HORMAD2: variants seen among roughly 807,000 people sequenced by gnomAD.
HORMAD2 encodes the protein HORMA domain containing 2, also known as HORMA domain-containing protein 2.
HORMAD2 carries 45 observed loss-of-function variants against 38.8 expected under a neutral mutation model. The ratio of observed to expected loss-of-function variants is 1.16; its 90% CI spans 0.91 to 1.49. The LOEUF is 1.49. Ranked by LOEUF, HORMAD2 falls within the 40% of genes most tolerant of loss-of-function variation. The pLI is 0.00. For synonymous variants in HORMAD2, 126 were observed against 122.8 expected (o/e 1.03, Z -0.17); for missense variants, 338 against 367.0 (o/e 0.92, Z 0.65).
intron 10 of HORMAD2, among the ~76,000 whole-genome samples, chr22:30,147,599 C>A (rs1197108728): frequency 1.3e-5 from 2 of 151,930 alleles, no homozygotes; most frequent in Admixed American, 1.3e-4. Context: ...GAAAAAAATA[C>A]TGATAAGCAG....
intron 10 of HORMAD2, among the ~76,000 whole-genome samples, chr22:30,135,993 A>G (rs1323544640): frequency 3.3e-5 from 5 of 152,190 alleles, no homozygotes; most frequent in Admixed American, 3.3e-4. Context: ...AATTTCAGCA[A>G]TGATAAAATT....
At chr22:30,118,504 C>T (rs1342404643) in intron 7 of HORMAD2, among the ~76,000 whole-genome samples, 1 of 152,208 alleles carries the variant, frequency 6.6e-6, no homozygotes, top group Admixed American at 6.5e-5. Context: ...CTTACACTAT[C>T]GGAATTAGCT....
intron 10 of HORMAD2, among the ~76,000 whole-genome samples, chr22:30,130,310 T>A (rs954176909): frequency 6.6e-6 from 1 of 152,170 alleles, no homozygotes; most frequent in Non-Finnish European, 1.5e-5. Context: ...CTGGTGTGAT[T>A]CTTAAGATCC....
At chr22:30,098,784 G>A in intron 2 of HORMAD2, 68 bp from the exon 3 acceptor site, 1 of 1,293,816 alleles carries the variant, frequency 7.7e-7, no homozygotes, top group Non-Finnish European at 1.1e-6. Flanking sequence ...TCATATATGT[G>A]GTAATGATGT....
intron 7 of HORMAD2, among the ~76,000 whole-genome samples, chr22:30,114,731 C>A (rs979225505): frequency 2.6e-5 from 4 of 152,124 alleles, no homozygotes; most frequent in Non-Finnish European, 4.4e-5. Context: ...CAATTGAGAA[C>A]CTCTGGCTTA....
chr22:30,086,884 T>C (rs940829823), intron 1 of HORMAD2, among the ~76,000 whole-genome samples: 3 of 152,202 alleles, frequency 2.0e-5, no homozygotes, highest in African/African-American at 4.8e-5. Context: ...AACCTCCATC[T>C]ACTGGGTTCA....
chr22:30,182,915 T>C, the HORMAD2 span, among the ~76,000 whole-genome samples: 1 of 152,130 alleles, frequency 6.6e-6, no homozygotes, highest in Non-Finnish European at 1.5e-5. Context: ...AAGAAAAACC[T>C]CCCTCCCACC....
the HORMAD2 span, among the ~76,000 whole-genome samples, chr22:30,192,889 G>A: frequency 6.6e-6 from 1 of 152,164 alleles, no homozygotes; most frequent in South Asian, 2.1e-4. Flanking sequence ...ACTATAACAG[G>A]GCTTGATGTT....
intron 10 of HORMAD2, among the ~76,000 whole-genome samples, chr22:30,150,020 CT>C (rs555052814): frequency 1.2e-3 from 176 of 150,340 alleles, no homozygotes; most frequent in Non-Finnish European, 2.2e-3. Flanking sequence ...TATTTTTATC[CT>C]TTTTTTTTGC....
chr22:30,172,673 A>G (rs1926182809), intron 10 of HORMAD2, among the ~76,000 whole-genome samples: 2 of 152,184 alleles, frequency 1.3e-5, no homozygotes, highest in South Asian at 4.1e-4. Flanking sequence ...GGATCACCTG[A>G]GGTCAGGAGT....
intron 10 of HORMAD2, among the ~76,000 whole-genome samples, chr22:30,157,953 G>C (rs928541920): frequency 6.6e-6 from 1 of 152,054 alleles, no homozygotes; most frequent in Non-Finnish European, 1.5e-5. Flanking sequence ...ACATGTACCA[G>C]ATATTATATC....
At chr22:30,103,877 G>A (rs1816781714) in intron 4 of HORMAD2, among the ~76,000 whole-genome samples, 2 of 151,174 alleles carry the variant, frequency 1.3e-5, no homozygotes, top group Admixed American at 6.6e-5. Flanking sequence ...GGCCAGGATG[G>A]TCTCGATCTC....
intron 10 of HORMAD2, among the ~76,000 whole-genome samples, chr22:30,169,359 A>T (rs1925973409): frequency 6.6e-6 from 1 of 152,226 alleles, no homozygotes; most frequent in Non-Finnish European, 1.5e-5. Context: ...CCCAAAAAAA[A>T]TTTATCAAAT....
intron 3 of HORMAD2, 137 bp from the exon 4 acceptor site, chr22:30,103,300 A>C: frequency 1.6e-6 from 1 of 608,618 alleles, no homozygotes; most frequent in Non-Finnish European, 2.9e-6. Flanking sequence ...TTAGAGATCC[A>C]AAATGTTTTT....
intron 10 of HORMAD2, among the ~76,000 whole-genome samples, chr22:30,152,989 C>T (rs1924846181): frequency 6.6e-6 from 1 of 152,186 alleles, no homozygotes; most frequent in Non-Finnish European, 1.5e-5. Flanking sequence ...TGAGTTAACA[C>T]TGTCATGTCA....
chr22:30,123,594 C>G (rs571121249), intron 10 of HORMAD2, among the ~76,000 whole-genome samples: 2 of 152,182 alleles, frequency 1.3e-5, no homozygotes, highest in Admixed American at 1.3e-4. Context: ...TTTGACCTCC[C>G]AAAGTGCTGG....
chr22:30,095,234 T>G (rs2068761511), intron 2 of HORMAD2, among the ~76,000 whole-genome samples: 1 of 152,254 alleles, frequency 6.6e-6, no homozygotes, highest in Admixed American at 6.5e-5. Context: ...TCAAATATTT[T>G]GTCAGAAAAA....
At chr22:30,131,351 A>G (rs1343850791) in intron 10 of HORMAD2, among the ~76,000 whole-genome samples, 2 of 152,172 alleles carry the variant, frequency 1.3e-5, no homozygotes, top group Non-Finnish European at 2.9e-5. Flanking sequence ...TATTTTAACC[A>G]TATTTTTAGG....
intron 2 of HORMAD2, among the ~76,000 whole-genome samples, chr22:30,094,454 G>A (rs552230992): frequency 2.3e-4 from 35 of 152,290 alleles, no homozygotes; most frequent in South Asian, 6.2e-4. Flanking sequence ...TTTGTCTCAT[G>A]ACATTCATTA....
Sources: gnomAD v4.1 joint callset for allele counts (sites outside exome capture counted in the v4.1 genomes callset) on GRCh38, gnomAD v4.1.1 for gene constraint, MANE v1.5 for transcripts, NCBI Gene and HGNC (gene_info 2026-07-23, HGNC 2026-07-21) for gene names.